SNTG2: variants seen among roughly 807,000 people sequenced by gnomAD.
SNTG2 encodes syntrophin gamma 2.
In SNTG2, 74 loss-of-function variants were observed where a neutral mutation model predicts 70.9. That is an observed-to-expected ratio of 1.04 (90% CI 0.86 to 1.27). The LOEUF (loss-of-function observed/expected upper bound fraction) is 1.27. Among genes scored for constraint, SNTG2 ranks in the 50% most tolerant of loss-of-function variants. The pLI is 0.00. For synonymous variants in SNTG2, 278 were observed against 273.8 expected (o/e 1.02, Z -0.15); for missense variants, 717 against 690.7 (o/e 1.04, Z -0.43).
chr2:1,072,167 CCTT>C (rs1481155285), intron 1 of SNTG2, among the ~76,000 whole-genome samples: 5 of 152,096 alleles, frequency 3.3e-5, no homozygotes, highest in Non-Finnish European at 7.4e-5. Flanking sequence ...GATGAAACAG[CCTT>C]CTATTGGAAG....
chr2:1,026,314 C>A (rs902339627), intron 1 of SNTG2, among the ~76,000 whole-genome samples: 16 of 152,186 alleles, frequency 1.1e-4, no homozygotes, highest in Admixed American at 9.8e-4. Flanking sequence ...AGCGTGAACA[C>A]TGAAGAACAC....
chr2:1,146,405 AAATT>A (rs1269001438), intron 6 of SNTG2, among the ~76,000 whole-genome samples: 1 of 152,182 alleles, frequency 6.6e-6, no homozygotes. Flanking sequence ...TCATAGAAAA[AAATT>A]AATGAAGAAG....
rs1228556001 is a variant in SNTG2, at chr2:1,222,119, C to CTGTCTCTCTCTCTG, written c.719+12890_719+12891insGTCTCTCTCTCTGT. On this transcript the variant is annotated intron_variant, in intron 9 of 16. Transcript: ENST00000308624. Reference sequence around the variant, plus strand: ...TGTCTCTCTCTGTCTCTCTCTGTCTCTCTCTGTCTCTCTCTGTCTCTCTCT... The same window carrying CTGTCTCTCTCTCTG: ...TGTCTCTCTCTGTCTCTCTCTGTCTCTGTCTCTCTCTCTGTCTCTGTCTCTCTCTGTCTCTCTCT... Among the ~76,000 whole-genome samples, 225 of 107,720 alleles carry CTGTCTCTCTCTCTG rather than the reference C, an allele frequency of 2.1e-3. 41 individuals carry two copies. The highest frequency in any genetic ancestry group is 3.3e-3 in the Non-Finnish European group (186 of 55,596). The allele number at this position is 107,720 out of a possible 152,430, so 70.7% of individuals were successfully genotyped here. A position where few individuals can be genotyped will look rare whatever the true frequency, so the allele number is the denominator to read the frequency against.
intron 1 of SNTG2, among the ~76,000 whole-genome samples, chr2:1,005,258 ATCTG>A (rs1027072538): frequency 1.3e-5 from 2 of 152,154 alleles, no homozygotes; most frequent in Non-Finnish European, 2.9e-5. Context: ...AGGTGTCATT[ATCTG>A]TCTGTCCAAA....
intron 16 of SNTG2, among the ~76,000 whole-genome samples, chr2:1,318,773 A>G (rs943631881): frequency 6.6e-6 from 1 of 151,468 alleles, no homozygotes; most frequent in African/African-American, 2.4e-5. Flanking sequence ...CTTGGGCGCC[A>G]TCACCGGGGA....
intron 8 of SNTG2, among the ~76,000 whole-genome samples, chr2:1,201,716 T>C (rs1673288669): frequency 6.6e-6 from 1 of 151,882 alleles, no homozygotes; most frequent in African/African-American, 2.4e-5. Flanking sequence ...TATCAAAGTA[T>C]CACATACACC....
chr2:1,111,976 G>A (rs1299740705), intron 4 of SNTG2, among the ~76,000 whole-genome samples: 10 of 132,900 alleles, frequency 7.5e-5, no homozygotes, highest in Non-Finnish European at 1.3e-4. Context: ...CCTTTGAGGA[G>A]GATCGTGGGT....
chr2:1,031,161 A>G (rs560020658), intron 1 of SNTG2, among the ~76,000 whole-genome samples: 1 of 152,306 alleles, frequency 6.6e-6, no homozygotes, highest in East Asian at 1.9e-4. Flanking sequence ...TGTTTACTTT[A>G]GGTAGCAAAT....
At chr2:1,137,549 T>C in intron 4 of SNTG2, 73 bp from the exon 5 acceptor site, 1 of 1,541,046 alleles carries the variant, frequency 6.5e-7, no homozygotes, top group Middle Eastern at 1.7e-4. Context: ...AGCCCTGTGC[T>C]TAAATGACTG....
At chr2:1,156,107 A>G (rs28716128) in intron 6 of SNTG2, among the ~76,000 whole-genome samples, 11,301 of 152,206 alleles carry the variant, frequency 0.074, 898 homozygotes, top group African/African-American at 0.2. Flanking sequence ...AAGGGAACAG[A>G]GAAATGGCAC....
chr2:963,764 A>G (rs905878328), intron 1 of SNTG2, among the ~76,000 whole-genome samples: 2 of 152,174 alleles, frequency 1.3e-5, no homozygotes, highest in African/African-American at 4.8e-5. Flanking sequence ...TTCAATTTCA[A>G]ACTAACTCTA....
chr2:1,328,714 G>T (rs1681858508), intron 16 of SNTG2, among the ~76,000 whole-genome samples: 1 of 152,148 alleles, frequency 6.6e-6, no homozygotes, highest in South Asian at 2.1e-4. Context: ...GAGTGCATTG[G>T]TTAGCAGGGG....
At chr2:1,010,044 A>G (rs1323333670) in intron 1 of SNTG2, among the ~76,000 whole-genome samples, 2 of 152,184 alleles carry the variant, frequency 1.3e-5, no homozygotes, top group South Asian at 2.1e-4. Flanking sequence ...AGATATTATC[A>G]GAACACACTC....
At chr2:1,146,961 C>T (rs1326620505) in intron 6 of SNTG2, among the ~76,000 whole-genome samples, 2 of 152,212 alleles carry the variant, frequency 1.3e-5, no homozygotes, top group Non-Finnish European at 2.9e-5. Context: ...TGCATGTATA[C>T]ACTTGTACTA....
intron 1 of SNTG2, among the ~76,000 whole-genome samples, chr2:1,072,666 G>A (rs1427984548): frequency 6.6e-6 from 1 of 152,162 alleles, no homozygotes; most frequent in Non-Finnish European, 1.5e-5. Context: ...AGGAATCAAG[G>A]TGTAGTGTTG....
intron 6 of SNTG2, among the ~76,000 whole-genome samples, chr2:1,138,275 G>A (rs1428352905): frequency 3.9e-5 from 6 of 152,232 alleles, no homozygotes; most frequent in African/African-American, 2.4e-5. Flanking sequence ...GAGGACACCA[G>A]GTGAGACCTC....
chr2:1,010,071 G>A (rs1659686733), intron 1 of SNTG2, among the ~76,000 whole-genome samples: 1 of 152,036 alleles, frequency 6.6e-6, no homozygotes, highest in Non-Finnish European at 1.5e-5. Flanking sequence ...TATTATCAGA[G>A]GTGTCTGATA....
rs370117719 is a variant in SNTG2, at chr2:964,260, A to G, written c.72+13192A>G. ...AAGGAGTCTTCTTATAGTTGTGTGG[A>G]AAGTTTGTTGGAAGCATCTTTCATT... On this transcript the variant is annotated intron_variant, in intron 1 of 16. Transcript: ENST00000308624. Among the ~76,000 whole-genome samples the G allele has an allele frequency of 2.4e-4, 36 of 152,286 alleles. 1 individual carries two copies. Among genetic ancestry groups the G allele is most frequent in the African/African-American group, 8.7e-4 (36 of 41,560 alleles).
In SNTG2 at chr2:1,067,949, C is replaced by A. The variant is rs186070346; in HGVS notation, c.73-15569C>A. Among the ~76,000 whole-genome samples the A allele has an allele frequency of 2.6e-3, 390 of 152,220 alleles. 2 individuals are homozygous for A. The highest frequency in any genetic ancestry group is 7.3e-3 in the South Asian group (35 of 4,816). The stretch of plus-strand genomic sequence containing the variant: ...GGACTCCCGGACCTCGGGAGTGGGG[C>A]TAGAGCTTTGGGGTGACACTTAGAT... On this transcript the variant is annotated intron_variant, in intron 1 of 16. Coordinates refer to ENST00000308624, the MANE Select transcript of SNTG2 (RefSeq NM_018968.4).
Sources: allele counts gnomAD v4.1 joint callset (sites outside exome capture counted in the v4.1 genomes callset), GRCh38; gene constraint gnomAD v4.1.1; transcripts MANE v1.5; gene names NCBI Gene and HGNC (gene_info 2026-07-23, HGNC 2026-07-21).